The following SNCAIP variants were observed in gnomAD, a reference collection of about 807,000 sequenced individuals.
SNCAIP encodes the protein synuclein alpha interacting protein, also known as synphilin-1.
SNCAIP carries 43 observed loss-of-function variants against 86.7 expected under a neutral mutation model. The observed-to-expected ratio is 0.50, with a 90% CI of 0.39 to 0.64. The LOEUF (loss-of-function observed/expected upper bound fraction) is 0.64. Ranked by LOEUF, SNCAIP falls within the 30% of genes least tolerant of loss-of-function variation. SNCAIP has a pLI of 0.00. For missense variants in SNCAIP, 981 were observed against 1,103.1 expected, an observed-to-expected ratio of 0.89 and a Z score of 1.57; for synonymous variants, 417 against 427.2, an observed-to-expected ratio of 0.98 and a Z score of 0.29.
chr5:122,428,917 T>A (rs1007280504), intron 5 of SNCAIP, among the ~76,000 whole-genome samples: 2 of 152,094 alleles, frequency 1.3e-5, no homozygotes, highest in African/African-American at 4.8e-5. Flanking sequence ...ACAAAGGATA[T>A]GAACTCATCC....
intron 1 of SNCAIP, among the ~76,000 whole-genome samples, chr5:122,355,097 T>C (rs1204681462): frequency 6.6e-6 from 1 of 152,224 alleles, no homozygotes; most frequent in African/African-American, 2.4e-5. Flanking sequence ...AGCCTCCTAC[T>C]GTAAACATTT....
intron 1 of SNCAIP, among the ~76,000 whole-genome samples, chr5:122,353,457 A>G (rs957175718): frequency 1.3e-5 from 2 of 150,088 alleles, no homozygotes; most frequent in African/African-American, 4.9e-5. Flanking sequence ...AAAAAAAAAG[A>G]CAACTGCTGT....
intron 1 of SNCAIP, among the ~76,000 whole-genome samples, chr5:122,339,395 G>T (rs535994013): frequency 4.0e-4 from 61 of 152,250 alleles, no homozygotes; most frequent in African/African-American, 1.4e-3. Flanking sequence ...CTTCAAAATA[G>T]AATCAAAACC....
At chr5:122,431,672 G>A (rs554435767) in intron 5 of SNCAIP, among the ~76,000 whole-genome samples, 1 of 152,070 alleles carries the variant, frequency 6.6e-6, no homozygotes, top group African/African-American at 2.4e-5. Flanking sequence ...ACATCAAACC[G>A]TATACTTTAA....
intron 1 of SNCAIP, among the ~76,000 whole-genome samples, chr5:122,315,949 A>G (rs1159689825): frequency 6.6e-6 from 1 of 152,208 alleles, no homozygotes; most frequent in African/African-American, 2.4e-5. Flanking sequence ...AAGCATTCTG[A>G]GATTTAAAAA....
intron 1 of SNCAIP, chr5:122,389,088 T>G (rs959423618): frequency 6.6e-6 from 1 of 152,252 alleles, no homozygotes; most frequent in African/African-American, 2.4e-5. Flanking sequence ...GGTTATATTC[T>G]ATTGGAATGG....
chr5:122,452,783 A>G (rs1783965931), intron 10 of SNCAIP: 3 of 579,844 alleles, frequency 5.2e-6, no homozygotes, highest in Non-Finnish European at 3.2e-6. Flanking sequence ...AATCATCTCA[A>G]TTGCCCATGC....
chr5:122,373,187 T>C (rs1160645235), intron 1 of SNCAIP, among the ~76,000 whole-genome samples: 1 of 152,190 alleles, frequency 6.6e-6, no homozygotes, highest in Non-Finnish European at 1.5e-5. Context: ...TAGGAAATTG[T>C]ATTACAGTAC....
intron 1 of SNCAIP, among the ~76,000 whole-genome samples, chr5:122,343,105 C>G (rs966325421): frequency 4.6e-5 from 7 of 152,162 alleles, no homozygotes; most frequent in Non-Finnish European, 1.0e-4. Flanking sequence ...AGTCCTCATA[C>G]CAACCAGATT....
intron 1 of SNCAIP, among the ~76,000 whole-genome samples, chr5:122,384,994 C>T (rs985871198): frequency 1.3e-5 from 2 of 152,174 alleles, no homozygotes; most frequent in Non-Finnish European, 2.9e-5. Context: ...CAGGCCTGTT[C>T]CCATACTGAA....
At chr5:122,363,890 G>A (rs1030386856) in intron 1 of SNCAIP, among the ~76,000 whole-genome samples, 13 of 151,684 alleles carry the variant, frequency 8.6e-5, no homozygotes, top group African/African-American at 2.4e-4. Context: ...TTATGCAATC[G>A]TAGTTCACTG....
chr5:122,342,469 A>G (rs769777537), intron 1 of SNCAIP, among the ~76,000 whole-genome samples: 6 of 152,144 alleles, frequency 3.9e-5, no homozygotes, highest in African/African-American at 7.2e-5. Context: ...TAAAGAAAAC[A>G]CAGACCATTT....
At chr5:122,348,287 A>G (rs764741098) in intron 1 of SNCAIP, among the ~76,000 whole-genome samples, 1 of 152,168 alleles carries the variant, frequency 6.6e-6, no homozygotes, top group Non-Finnish European at 1.5e-5. Flanking sequence ...AAAGGAAAAA[A>G]GACATATAAA....
intron 1 of SNCAIP, among the ~76,000 whole-genome samples, chr5:122,384,016 G>A (rs936390592): frequency 1.3e-5 from 2 of 152,178 alleles, no homozygotes; most frequent in African/African-American, 2.4e-5. Flanking sequence ...TGGTGATGAT[G>A]TCTACCATTT....
chr5:122,463,211 C>G (rs941195142), intron 10 of SNCAIP, among the ~76,000 whole-genome samples: 2 of 152,208 alleles, frequency 1.3e-5, no homozygotes, highest in Middle Eastern at 3.2e-3. Context: ...ATTCCCTTGA[C>G]TGTAAAATGC....
At chr5:122,388,158 G>A (rs1768603141) in intron 1 of SNCAIP, among the ~76,000 whole-genome samples, 1 of 152,176 alleles carries the variant, frequency 6.6e-6, no homozygotes, top group South Asian at 2.1e-4. Flanking sequence ...TGTTGCCATG[G>A]GGACTGCAGA....
intron 1 of SNCAIP, among the ~76,000 whole-genome samples, chr5:122,375,592 A>G (rs1765145826): frequency 6.6e-6 from 1 of 151,868 alleles, no homozygotes; most frequent in Non-Finnish European, 1.5e-5. Flanking sequence ...ATTGAAAATT[A>G]TAAAACTGGA....
At chr5:122,326,605 C>CTTTT (rs1491240086) in intron 1 of SNCAIP, among the ~76,000 whole-genome samples, 14 of 102,432 alleles carry the variant, frequency 1.4e-4, no homozygotes, top group Admixed American at 8.2e-4. Context: ...AGAAATGTCT[C>CTTTT]CTTTTTTTTT....
intron 7 of SNCAIP, 139 bp from the exon 8 acceptor site, chr5:122,444,424 C>T: frequency 1.3e-6 from 1 of 780,754 alleles, no homozygotes; most frequent in Non-Finnish European, 2.3e-6. Context: ...TCATCATAGA[C>T]TCTGAAGGGA....
Sources: allele counts gnomAD v4.1 joint callset (sites outside exome capture counted in the v4.1 genomes callset), GRCh38; gene constraint gnomAD v4.1.1; transcripts MANE v1.5; gene names NCBI Gene and HGNC (gene_info 2026-07-23, HGNC 2026-07-21).